The following TRDMT1 variants were observed in gnomAD, a reference collection of about 807,000 sequenced individuals.
TRDMT1 encodes tRNA aspartic acid methyltransferase 1.
A neutral mutation model predicts 51.2 loss-of-function variants in TRDMT1; 49 were observed. That is an observed-to-expected ratio of 0.96 (90% CI 0.76 to 1.21). The LOEUF (loss-of-function observed/expected upper bound fraction) is 1.21. Ranked by LOEUF, TRDMT1 falls within the 50% of genes most tolerant of loss-of-function variation. The pLI is 0.00. For synonymous variants in TRDMT1, 187 were observed against 164.6 expected (o/e 1.14, Z -1.04); for missense variants, 534 against 462.3 (o/e 1.16, Z -1.42).
chr10:17,174,403 G>A, intron 2 of TRDMT1, 148 bp downstream of exon 2: 1 of 551,534 alleles, frequency 1.8e-6, no homozygotes, highest in Non-Finnish European at 3.1e-6. Context: ...CTTCTGATAG[G>A]ATATAAAATG....
In TRDMT1 at chr10:17,201,646, A is replaced by G. The variant is rs1365372987; in HGVS notation, c.-12T>C. 2.6e-6 allele frequency: 4 copies of G among 1,539,096 alleles called. No individual in the cohort carries two copies. In the Admixed American group the frequency reaches 5.9e-5, roughly 23 times the overall value. On this transcript the variant is annotated 5_prime_UTR_variant, in exon 1 of 11. Coordinates refer to ENST00000377799, the MANE Select transcript of TRDMT1 (RefSeq NM_004412.7). ...CGCAGGGGCTCCATCCCCGCGCCTC[A>G]GCCGCCGCAGCCCCGGAGCTAGGCC...
At position 17,147,063 on chromosome 10, in the gene TRDMT1, C is replaced by G. The variant is rs1838177252; in HGVS notation, c.*1977G>C. The G allele has an allele frequency of 1.0e-6, 1 of 985,574 alleles. No homozygotes were observed. The highest frequency in any genetic ancestry group is 6.2e-5 in the Admixed American group (1 of 16,254). The allele number at this position is 985,574 out of a possible 1,614,324, so 61.1% of individuals were successfully genotyped here. ...CTTTCAAGTATTTATAGTTGGTGCA[C>G]AGTAACTCGACACTTATTTTGTATA... On this transcript the variant is annotated 3_prime_UTR_variant, in exon 11 of 11. Transcript: ENST00000377799.
At chr10:17,166,409 T>C (rs1179703509) in intron 3 of TRDMT1, among the ~76,000 whole-genome samples, 1 of 149,656 alleles carries the variant, frequency 6.7e-6, no homozygotes, top group Non-Finnish European at 1.5e-5. Context: ...TTAGGAGATA[T>C]ACCTAATGTA....
chr10:17,162,284 T>G (rs1381511342), intron 3 of TRDMT1, 47 bp from the exon 4 acceptor site: 1 of 1,511,950 alleles, frequency 6.6e-7, no homozygotes, highest in East Asian at 2.3e-5. Context: ...ACAGAAAGTT[T>G]ATTAAGAATC....
chr10:17,185,023 T>C (rs1843707074), intron 1 of TRDMT1, among the ~76,000 whole-genome samples: 1 of 152,210 alleles, frequency 6.6e-6, no homozygotes, highest in African/African-American at 2.4e-5. Flanking sequence ...AGTTTCTTTG[T>C]GTCTTTAAGC....
intron 1 of TRDMT1, 30 bp from the exon 2 acceptor site, chr10:17,174,690 G>C: frequency 1.3e-6 from 2 of 1,502,258 alleles, no homozygotes; most frequent in Non-Finnish European, 9.2e-7. Context: ...ATCTTGAAAA[G>C]AAAAGTCCTT....
intron 2 of TRDMT1, chr10:17,169,181 TA>T: frequency 1.8e-6 from 1 of 543,174 alleles, no homozygotes; most frequent in Non-Finnish European, 2.9e-6. Flanking sequence ...TCCTGGATCC[TA>T]AGCACATCTG....
intron 1 of TRDMT1, among the ~76,000 whole-genome samples, chr10:17,194,058 A>C (rs986897669): frequency 2.0e-5 from 3 of 152,218 alleles, no homozygotes; most frequent in African/African-American, 7.2e-5. Flanking sequence ...AAATGGGGAA[A>C]GGACTCACTA....
Position 17,139,981 on chromosome 10 carries a change from C to G in TRDMT1, c.*9059G>C, listed in dbSNP as rs1440650823. Among the ~76,000 whole-genome samples, 2 of 147,224 alleles carry G rather than the reference C, an allele frequency of 1.4e-5. No homozygotes were observed. The highest frequency in any genetic ancestry group is 1.4e-4 in the Admixed American group (2 of 14,386). ...TGTTTAGAAGAGACATAAACAATAC[C>G]CTAGGAGTTATACACAATTTTGGCA... On this transcript the variant is annotated 3_prime_UTR_variant, in exon 11 of 11. Coordinates refer to ENST00000377799, the MANE Select transcript of TRDMT1 (RefSeq NM_004412.7).
At position 17,139,170 on chromosome 10, in the gene TRDMT1, T is replaced by A. The variant is rs983086344; in HGVS notation, c.*9870A>T. 4.1e-6 allele frequency: 4 copies of A among 985,190 alleles called. No individual in the cohort carries two copies. Among genetic ancestry groups the A allele is most frequent in the Admixed American group, 6.2e-5 (1 of 16,254 alleles). The allele number at this position is 985,190 out of a possible 1,614,324, so 61.0% of individuals were successfully genotyped here. A position where few individuals can be genotyped will look rare whatever the true frequency, so the allele number is the denominator to read the frequency against. ...GCAATGAAGCGGAGTTTACCATAGG[T>A]GAACCCTCCTGCCATCCTGTTCCAA... is the stretch of plus-strand genomic sequence containing the variant. On this transcript the variant is annotated 3_prime_UTR_variant, in exon 11 of 11. Coordinates refer to ENST00000377799, the MANE Select transcript of TRDMT1 (RefSeq NM_004412.7).
chr10:17,162,253 A>C lies in TRDMT1; in HGVS notation c.252-16T>G. On this transcript the variant is annotated splice_polypyrimidine_tract_variant and intron_variant, in intron 3 of 10. Coordinates refer to ENST00000377799, the MANE Select transcript of TRDMT1 (RefSeq NM_004412.7). ...CCGGCCAATCCTAAAGGGGTAAAAA[A>C]AAAAAAAAACAAAAAAAAACACAGA... The C allele has an allele frequency of 1.2e-5, 18 of 1,563,320 alleles. No individual in the cohort carries two copies. Among genetic ancestry groups the C allele is most frequent in the Non-Finnish European group, 1.6e-5 (18 of 1,159,744 alleles).
At chr10:17,176,566 A>C (rs1206094677) in intron 1 of TRDMT1, among the ~76,000 whole-genome samples, 1 of 152,220 alleles carries the variant, frequency 6.6e-6, no homozygotes, top group Non-Finnish European at 1.5e-5. Context: ...GGATTGATGC[A>C]CATATTTTAG....
intron 5 of TRDMT1, among the ~76,000 whole-genome samples, chr10:17,161,192 T>C (rs189019020): frequency 1.1e-4 from 17 of 152,298 alleles, no homozygotes; most frequent in Non-Finnish European, 4.4e-5. Flanking sequence ...TCCACAGAAA[T>C]AAGCACCAAT....
intron 1 of TRDMT1, among the ~76,000 whole-genome samples, chr10:17,190,295 C>T (rs139219044): frequency 3.9e-5 from 6 of 152,200 alleles, no homozygotes; most frequent in African/African-American, 1.2e-4. Context: ...AGACACCAAA[C>T]TGTACATGTA....
chr10:17,153,151 G>T (rs781079108), intron 10 of TRDMT1: 14 of 361,466 alleles, frequency 3.9e-5, no homozygotes, highest in Non-Finnish European at 6.4e-5. Flanking sequence ...TCTTTCACAA[G>T]CTCTAGTGTG....
chr10:17,151,391 T>C (rs1019731152), intron 10 of TRDMT1: 1 of 983,612 alleles, frequency 1.0e-6, no homozygotes, highest in Admixed American at 6.2e-5. Flanking sequence ...TACCGCAGAA[T>C]ACACACCACC....
chr10:17,186,259 T>G (rs1458444256), intron 1 of TRDMT1, among the ~76,000 whole-genome samples: 1 of 152,120 alleles, frequency 6.6e-6, no homozygotes, highest in Non-Finnish European at 1.5e-5. Flanking sequence ...CACATCTTAA[T>G]CCCTGAAACC....
chr10:17,184,579 A>G (rs1317690037), intron 1 of TRDMT1, among the ~76,000 whole-genome samples: 1 of 151,814 alleles, frequency 6.6e-6, no homozygotes, highest in Admixed American at 6.6e-5. Context: ...TTTCATCATT[A>G]TTGACTCAAT....
Position 17,160,393 on chromosome 10 carries a change from A to C in TRDMT1, c.390-19T>G, listed in dbSNP as rs934870983. 6.8e-7 allele frequency: 1 copy of C among 1,465,196 alleles called. No individual in the cohort carries two copies. Among genetic ancestry groups the C allele is most frequent in the African/African-American group, 1.4e-5 (1 of 69,658 alleles). The allele number at this position is 1,465,196 out of a possible 1,614,324, so 90.8% of individuals were successfully genotyped here. A position where few individuals can be genotyped will look rare whatever the true frequency, so the allele number is the denominator to read the frequency against. ...GAGGTCTCTAAAAAGAAAAAAAAAA[A>C]ACTTTAATTCTTACTTGGAAAGGCA... On this transcript the variant is annotated intron_variant, in intron 5 of 10. Transcript: ENST00000377799.
Sources: allele counts gnomAD v4.1 joint callset (sites outside exome capture counted in the v4.1 genomes callset), GRCh38; gene constraint gnomAD v4.1.1; transcripts MANE v1.5; gene names NCBI Gene and HGNC (gene_info 2026-07-23, HGNC 2026-07-21).